Variants in COMMD10 observed in about 807,000 individuals in gnomAD.
COMMD10 encodes COMM domain containing 10, also known as COMM domain-containing protein 10.
A neutral mutation model predicts 28.9 loss-of-function variants in COMMD10; 33 were observed. The observed-to-expected ratio is 1.14, with a 90% CI of 0.87 to 1.53. The LOEUF is 1.53. Ranked by LOEUF, COMMD10 falls within the 40% of genes most tolerant of loss-of-function variation. The probability of loss-of-function intolerance (pLI) is 0.00; values close to 1 mark genes in which losing one functional copy is unlikely to be tolerated. For missense variants in COMMD10, 310 were observed against 233.4 expected, an observed-to-expected ratio of 1.33 and a Z score of -2.14; for synonymous variants, 110 against 81.7, an observed-to-expected ratio of 1.35 and a Z score of -1.87.
Position 116,252,254 on chromosome 5 carries a change from G to C in COMMD10, c.511-39263G>C, listed in dbSNP as rs1389503962. On this transcript the variant is annotated intron_variant, in intron 5 of 6. Coordinates refer to ENST00000274458, the MANE Select transcript of COMMD10 (RefSeq NM_016144.4). ...TTTTCTCCCATTTTGTAGGCTGCCT[G>C]TTCACTCTGATGGTAGTTTCTTTTG... is the stretch of plus-strand genomic sequence containing the variant. Among the ~76,000 whole-genome samples the C allele has an allele frequency of 8.5e-5, 12 of 141,514 alleles. 2 individuals are homozygous for C. Among genetic ancestry groups the C allele is most frequent in the Non-Finnish European group, 1.7e-4 (11 of 65,310 alleles). 92.8% of individuals were successfully genotyped at this position (141,514 alleles called of 152,430 possible). A position where few individuals can be genotyped will look rare whatever the true frequency, so the allele number is the denominator to read the frequency against.
chr5:116,173,086 A>G (rs1028745733), intron 5 of COMMD10, among the ~76,000 whole-genome samples: 2 of 152,148 alleles, frequency 1.3e-5, no homozygotes, highest in African/African-American at 2.4e-5. Context: ...TTAATATATA[A>G]TGAAAATGTT....
intron 5 of COMMD10, among the ~76,000 whole-genome samples, chr5:116,256,012 T>C (rs1259389992): frequency 6.6e-6 from 1 of 151,652 alleles, no homozygotes; most frequent in Non-Finnish European, 1.5e-5. Context: ...TGAGCTATTT[T>C]CGTATTCAAT....
At chr5:116,200,316 A>G (rs1748633243) in intron 5 of COMMD10, among the ~76,000 whole-genome samples, 1 of 152,092 alleles carries the variant, frequency 6.6e-6, no homozygotes, top group East Asian at 1.9e-4. Context: ...CTCTGTAAGT[A>G]AGGTGTTTTT....
intron 5 of COMMD10, among the ~76,000 whole-genome samples, chr5:116,203,081 A>G (rs1561665465): frequency 6.6e-6 from 1 of 152,058 alleles, no homozygotes; most frequent in African/African-American, 2.4e-5. Context: ...TAAGGAAGGG[A>G]TCCAGTTTCA....
chr5:116,271,908 A>G (rs1750770384), intron 5 of COMMD10, among the ~76,000 whole-genome samples: 1 of 151,760 alleles, frequency 6.6e-6, no homozygotes, highest in East Asian at 1.9e-4. Flanking sequence ...GTAACCACCA[A>G]CCTCTCAGTT....
chr5:116,089,008 G>C (rs150790843), intron 2 of COMMD10, among the ~76,000 whole-genome samples: 38 of 152,244 alleles, frequency 2.5e-4, no homozygotes, highest in African/African-American at 8.9e-4. Context: ...CCTTGCTGTG[G>C]AAAACACAAA....
At chr5:116,086,923 G>A (rs1750121804) in intron 1 of COMMD10, among the ~76,000 whole-genome samples, 1 of 152,216 alleles carries the variant, frequency 6.6e-6, no homozygotes, top group African/African-American at 2.4e-5. Flanking sequence ...GCTGTAGTGA[G>A]CTGAGATCGT....
chr5:116,092,803 T>A (rs772515888), intron 4 of COMMD10, 103 bp downstream of exon 4: 53 of 813,122 alleles, frequency 6.5e-5, no homozygotes, highest in Non-Finnish European at 8.9e-5. Context: ...AGAGGTAGAG[T>A]CAGGCAAAAG....
intron 5 of COMMD10, among the ~76,000 whole-genome samples, chr5:116,248,904 T>C (rs1330898683): frequency 1.3e-5 from 2 of 151,924 alleles, no homozygotes; most frequent in African/African-American, 2.4e-5. Flanking sequence ...CAAAAGAAAT[T>C]TAAGTTACTG....
chr5:116,233,976 A>T (rs1197513523), intron 5 of COMMD10, among the ~76,000 whole-genome samples: 1 of 152,200 alleles, frequency 6.6e-6, no homozygotes, highest in Non-Finnish European at 1.5e-5. Context: ...TTTTTACATT[A>T]ACAGAAGAGG....
chr5:116,190,952 C>G (rs1748350174), intron 5 of COMMD10, among the ~76,000 whole-genome samples: 1 of 152,126 alleles, frequency 6.6e-6, no homozygotes, highest in Admixed American at 6.5e-5. Context: ...TTTGCTGGAA[C>G]TATATATTTT....
intron 5 of COMMD10, among the ~76,000 whole-genome samples, chr5:116,141,888 A>C (rs1169837996): frequency 6.6e-6 from 1 of 151,722 alleles, no homozygotes; most frequent in African/African-American, 2.4e-5. Flanking sequence ...CTTTTTCTTT[A>C]AATGTAGGAT....
chr5:116,100,800 T>G (rs1245268241), intron 4 of COMMD10, among the ~76,000 whole-genome samples: 1 of 152,192 alleles, frequency 6.6e-6, no homozygotes, highest in Non-Finnish European at 1.5e-5. Flanking sequence ...TTGTATAAAT[T>G]CATGGTGTAC....
chr5:116,269,390 A>C (rs1037929471), intron 5 of COMMD10, among the ~76,000 whole-genome samples: 7 of 151,874 alleles, frequency 4.6e-5, no homozygotes, highest in Admixed American at 3.3e-4. Flanking sequence ...ACCAAGTTAT[A>C]CTGAGATCGT....
intron 5 of COMMD10, among the ~76,000 whole-genome samples, chr5:116,211,654 A>G (rs968700211): frequency 6.6e-6 from 1 of 152,152 alleles, no homozygotes; most frequent in Non-Finnish European, 1.5e-5. Flanking sequence ...CTCAAATAAC[A>G]TACATGGATG....
At chr5:116,134,285 G>A in intron 5 of COMMD10, 107 bp downstream of exon 5, 1 of 628,662 alleles carries the variant, frequency 1.6e-6, no homozygotes, top group Non-Finnish European at 2.8e-6. Context: ...ACATAATTCA[G>A]TTAAACAGTT....
chr5:116,247,452 C>T (rs935106471), intron 5 of COMMD10, among the ~76,000 whole-genome samples: 1 of 152,022 alleles, frequency 6.6e-6, no homozygotes, highest in South Asian at 2.1e-4. Context: ...TTCAAGCCAG[C>T]AATCTCATTG....
chr5:116,202,792 T>C (rs1418184767), intron 5 of COMMD10, among the ~76,000 whole-genome samples: 1 of 151,728 alleles, frequency 6.6e-6, no homozygotes, highest in African/African-American at 2.4e-5. Flanking sequence ...ATTAGCCCTT[T>C]GTCAGATGAG....
chr5:116,112,623 T>G (rs1365247619), intron 4 of COMMD10, among the ~76,000 whole-genome samples: 1 of 152,126 alleles, frequency 6.6e-6, no homozygotes, highest in Non-Finnish European at 1.5e-5. Context: ...CTCTATCTCT[T>G]CACCTCATTA....
Sources: gnomAD v4.1 joint callset for allele counts (sites outside exome capture counted in the v4.1 genomes callset) on GRCh38, gnomAD v4.1.1 for gene constraint, MANE v1.5 for transcripts, NCBI Gene and HGNC (gene_info 2026-07-23, HGNC 2026-07-21) for gene names.